The following RAP1B variants were observed in gnomAD, a reference collection of about 807,000 sequenced individuals.
The protein encoded by RAP1B is ras-related protein Rap-1b.
In RAP1B, 1 loss-of-function variant was observed where a neutral mutation model predicts 27.5. The observed-to-expected ratio is 0.04, with a 90% CI of 0.01 to 0.17. The LOEUF is 0.17. Ranked by LOEUF, RAP1B falls within the 10% of genes least tolerant of loss-of-function variation. RAP1B has a pLI of 1.00. For synonymous variants in RAP1B, 75 were observed against 73.1 expected (o/e 1.03, Z -0.13); for missense variants, 84 against 214.8 (o/e 0.39, Z 3.81).
intron 1 of RAP1B, among the ~76,000 whole-genome samples, chr12:68,624,038 A>G (rs546157854): frequency 9.2e-4 from 140 of 152,036 alleles, no homozygotes; most frequent in East Asian, 4.1e-3. Context: ...AAAAAAAAAA[A>G]AGAGAGAGAG....
intron 1 of RAP1B, among the ~76,000 whole-genome samples, chr12:68,632,143 TTTGTTTG>T (rs1321890927): frequency 0.091 from 12,259 of 134,016 alleles, 503 homozygotes; most frequent in East Asian, 0.17. Context: ...TTTTTTTTTT[TTTGTTTG>T]TTTTTTTTTT....
In RAP1B at chr12:68,647,573, CT is replaced by C. The variant is rs535209428; in HGVS notation, c.-26-1112del. 5.4e-3 allele frequency among the ~76,000 whole-genome samples: 759 copies of C among 141,674 alleles called. 1 individual carries two copies. The highest frequency in any genetic ancestry group is 0.011 in the Middle Eastern group (3 of 272). The allele number at this position is 141,674 out of a possible 152,430, so 92.9% of individuals were successfully genotyped here. A position where few individuals can be genotyped will look rare whatever the true frequency, so the allele number is the denominator to read the frequency against. ...GTCAGATACACTGCTCTTTTTTTCC[CT>C]TTTTTTTTTTTTTAATTTCCCCAAC... is the stretch of plus-strand genomic sequence containing the variant. On this transcript the variant is annotated intron_variant, in intron 1 of 7. Coordinates refer to ENST00000250559, the MANE Select transcript of RAP1B (RefSeq NM_001010942.3).
At chr12:68,612,376 G>T (rs1870667636) in intron 1 of RAP1B, among the ~76,000 whole-genome samples, 1 of 152,162 alleles carries the variant, frequency 6.6e-6, no homozygotes, top group Admixed American at 6.5e-5. Context: ...CTTAAAAGCT[G>T]ACTCTTGAAA....
chr12:68,611,834 G>A (rs1245708857), intron 1 of RAP1B, among the ~76,000 whole-genome samples: 1 of 152,176 alleles, frequency 6.6e-6, no homozygotes, highest in Non-Finnish European at 1.5e-5. Context: ...CCATCTCGAG[G>A]TGTCTAATCC....
At position 68,669,900 on chromosome 12, in the gene RAP1B, G is replaced by A. The variant is rs930549476; in HGVS notation, c.*10651G>A. The A allele has an allele frequency of 3.4e-5, 5 of 149,034 alleles. No individual in the cohort carries two copies. Among genetic ancestry groups the A allele is most frequent in the African/African-American group, 9.9e-5 (4 of 40,542 alleles). The allele number at this position is 149,034 out of a possible 1,614,324, so 9.2% of individuals were successfully genotyped here. On this transcript the variant is annotated 3_prime_UTR_variant, in exon 8 of 8. Coordinates refer to ENST00000250559, the MANE Select transcript of RAP1B (RefSeq NM_001010942.3). ...CCAGAACTAGATTCCAGTATATGAC[G>A]TTTATACGTGACAAAAATATATTTC...
chr12:68,612,645 G>A (rs913407908), intron 1 of RAP1B, among the ~76,000 whole-genome samples: 3 of 152,162 alleles, frequency 2.0e-5, no homozygotes, highest in Admixed American at 1.3e-4. Flanking sequence ...TAAAAAGTGG[G>A]TACCTTAGTC....
rs189365273 is a variant in RAP1B at position 68,611,892 on chromosome 12, C to T, written c.-27+849C>T. 1.2e-4 allele frequency among the ~76,000 whole-genome samples: 18 copies of T among 152,296 alleles called. 1 individual carries two copies. In the East Asian group the frequency reaches 2.9e-3, roughly 24 times the overall value. On this transcript the variant is annotated intron_variant, in intron 1 of 7. Coordinates refer to ENST00000250559, the MANE Select transcript of RAP1B (RefSeq NM_001010942.3). ...TTTATTTAAAACTACGCCCAGTGAACCGGGCTCTCCGGATTTTTCTTCTGA... is the reference window on the plus strand; with the variant it reads ...TTTATTTAAAACTACGCCCAGTGAATCGGGCTCTCCGGATTTTTCTTCTGA...
At chr12:68,613,222 T>A (rs942908017) in intron 1 of RAP1B, among the ~76,000 whole-genome samples, 1 of 151,584 alleles carries the variant, frequency 6.6e-6, no homozygotes, top group Non-Finnish European at 1.5e-5. Context: ...TAGCCGGGTG[T>A]AGTGGCACGC....
At position 68,666,648 on chromosome 12, in the gene RAP1B, A is replaced by G. The variant is rs1013844812; in HGVS notation, c.*7399A>G. On this transcript the variant is annotated 3_prime_UTR_variant, in exon 8 of 8. Transcript: ENST00000250559. ...ATCTCATCTCAAAATGCTTAATCAC[A>G]TCTGCAAAGACACTTTTTTCAAATA... 6.6e-6 allele frequency: 1 copy of G among 152,212 alleles called. No homozygotes were observed. Among genetic ancestry groups the G allele is most frequent in the Non-Finnish European group, 1.5e-5 (1 of 68,038 alleles). The allele number at this position is 152,212 out of a possible 1,614,324, so 9.4% of individuals were successfully genotyped here.
At chr12:68,658,551 C>T (rs1162200371) in intron 7 of RAP1B, among the ~76,000 whole-genome samples, 2 of 152,060 alleles carry the variant, frequency 1.3e-5, no homozygotes, top group South Asian at 4.1e-4. Flanking sequence ...TTTTTTTAGC[C>T]GAGGCATGTA....
intron 1 of RAP1B, chr12:68,642,585 CTTCG>C: frequency 1.9e-6 from 2 of 1,063,854 alleles, no homozygotes; most frequent in South Asian, 2.5e-5. Context: ...TCTGGGAAAG[CTTCG>C]TTCAAGTCCT....
rs1875055628 is a variant in RAP1B at position 68,670,772 on chromosome 12, T to TA, written c.*11525dup. ...GGCCAGGCACGGTGGATCATGCCTG[T>TA]AATCCCAACACTTTGGGAGGCCGAG... On this transcript the variant is annotated 3_prime_UTR_variant, in exon 8 of 8. Transcript: ENST00000250559. 1 of 152,202 alleles carries TA rather than the reference T, an allele frequency of 6.6e-6. No homozygotes were observed. Among genetic ancestry groups the TA allele is most frequent in the Non-Finnish European group, 1.5e-5 (1 of 68,050 alleles). 9.4% of individuals were successfully genotyped at this position (152,202 alleles called of 1,614,324 possible).
intron 1 of RAP1B, among the ~76,000 whole-genome samples, chr12:68,625,635 G>C (rs982568749): frequency 6.6e-6 from 1 of 152,144 alleles, no homozygotes; most frequent in Admixed American, 6.5e-5. Flanking sequence ...TAAAGTTTCA[G>C]ATGAGGCTGG....
chr12:68,635,296 G>A (rs1421776759), intron 1 of RAP1B, among the ~76,000 whole-genome samples: 1 of 152,122 alleles, frequency 6.6e-6, no homozygotes, highest in African/African-American at 2.4e-5. Context: ...TCTGACAGTT[G>A]AATTAGTTGA....
At chr12:68,626,926 C>G (rs1357921432) in intron 1 of RAP1B, 1 of 1,554,550 alleles carries the variant, frequency 6.4e-7, no homozygotes, top group Non-Finnish European at 8.8e-7. Flanking sequence ...ATGTACTTGA[C>G]CCGACAGCCA....
chr12:68,666,410 G>T lies in RAP1B; in HGVS notation c.*7161G>T, dbSNP rs1186782733. The T allele has an allele frequency of 6.8e-6, 1 of 146,838 alleles. No individual in the cohort carries two copies. The highest frequency in any genetic ancestry group is 2.5e-4 in the South Asian group (1 of 3,922). The allele number at this position is 146,838 out of a possible 1,614,324, so 9.1% of individuals were successfully genotyped here. A position where few individuals can be genotyped will look rare whatever the true frequency, so the allele number is the denominator to read the frequency against. ...ATTATCACAAATTTGGTGGCTTAAA[G>T]CAACAGAAATGTACTCTTTCACAGT... On this transcript the variant is annotated 3_prime_UTR_variant, in exon 8 of 8. Coordinates refer to ENST00000250559, the MANE Select transcript of RAP1B (RefSeq NM_001010942.3).
Position 68,641,337 on chromosome 12 carries a change from T to C in RAP1B, c.-26-7362T>C, listed in dbSNP as rs1228418952. On this transcript the variant is annotated intron_variant, in intron 1 of 7. Coordinates refer to ENST00000250559, the MANE Select transcript of RAP1B (RefSeq NM_001010942.3). Reference sequence around the variant, plus strand: ...CTTCCACTTTCATTTCAAACAGTTATGAAGCAGCCACTGAAACCGGACTCT... The same window carrying C: ...CTTCCACTTTCATTTCAAACAGTTACGAAGCAGCCACTGAAACCGGACTCT... Among the ~76,000 whole-genome samples the C allele has an allele frequency of 3.3e-5, 5 of 152,218 alleles. No individual in the cohort carries two copies. The East Asian group carries it at 7.7e-4, about 23-fold the overall frequency.
chr12:68,652,422 T>C (rs1873877758), intron 4 of RAP1B, among the ~76,000 whole-genome samples: 1 of 152,018 alleles, frequency 6.6e-6, no homozygotes, highest in Admixed American at 6.5e-5. Flanking sequence ...GCCACTGCAT[T>C]CCAGCCTGGG....
chr12:68,629,009 TTCTA>T (rs1215671492), intron 1 of RAP1B, among the ~76,000 whole-genome samples: 3 of 141,894 alleles, frequency 2.1e-5, no homozygotes, highest in Admixed American at 7.1e-5. Flanking sequence ...TTTATTTATC[TTCTA>T]TCTGTCTGTC....
Sources: allele counts gnomAD v4.1 joint callset (sites outside exome capture counted in the v4.1 genomes callset), GRCh38; gene constraint gnomAD v4.1.1; transcripts MANE v1.5; gene names NCBI Gene and HGNC (gene_info 2026-07-23, HGNC 2026-07-21).